The following FRMD4B variants were observed in gnomAD, a reference collection of about 807,000 sequenced individuals.
The protein encoded by FRMD4B is FERM domain-containing protein 4B.
Under a neutral mutation model 141.5 loss-of-function variants are expected in FRMD4B, and 74 were observed. That is an observed-to-expected ratio of 0.52 (90% CI 0.43 to 0.63). The LOEUF (loss-of-function observed/expected upper bound fraction) is 0.63. Among genes scored for constraint, FRMD4B ranks in the 30% least tolerant of loss-of-function variants. The pLI is 0.00. For synonymous variants in FRMD4B, 506 were observed against 467.9 expected (o/e 1.08, Z -1.05); for missense variants, 1,366 against 1,253.4 (o/e 1.09, Z -1.36).
At chr3:69,467,019 T>C (rs936428384) in intron 1 of FRMD4B, among the ~76,000 whole-genome samples, 4 of 152,110 alleles carry the variant, frequency 2.6e-5, no homozygotes, top group Non-Finnish European at 5.9e-5. Context: ...TTTTAAAAAA[T>C]AAAACCTTAA....
chr3:69,355,818 G>A lies in FRMD4B; in HGVS notation c.162+30010C>T, dbSNP rs573417194. The stretch of plus-strand genomic sequence containing the variant: ...GGTTGGCAGATCACCTGAGGTAAGG[G>A]GTTTGAGACCAGCCTGGCCAACATG... On this transcript the variant is annotated intron_variant, in intron 1 of 22. Transcript: ENST00000398540. 4.6e-3 allele frequency among the ~76,000 whole-genome samples: 706 copies of A among 152,122 alleles called. 7 individuals carry two copies. Among genetic ancestry groups the A allele is most frequent in the African/African-American group, 0.016 (679 of 41,504 alleles).
intron 1 of FRMD4B, among the ~76,000 whole-genome samples, chr3:69,354,503 C>T (rs545948059): frequency 6.6e-6 from 1 of 151,978 alleles, no homozygotes; most frequent in Non-Finnish European, 1.5e-5. Context: ...GTCAGAGAAA[C>T]CTCGTGTTTT....
At chr3:69,336,157 A>T (rs1702545025) in intron 1 of FRMD4B, among the ~76,000 whole-genome samples, 1 of 152,212 alleles carries the variant, frequency 6.6e-6, no homozygotes, top group Non-Finnish European at 1.5e-5. Context: ...AAAAAAGGCA[A>T]CAAATGTGGT....
In FRMD4B at chr3:69,216,369, G is replaced by A; in HGVS notation, c.790-20C>T. The A allele has an allele frequency of 8.1e-7, 1 of 1,241,982 alleles. No homozygotes were observed. Among genetic ancestry groups the A allele is most frequent in the Middle Eastern group, 1.9e-4 (1 of 5,300 alleles). 76.9% of individuals were successfully genotyped at this position (1,241,982 alleles called of 1,614,324 possible). On this transcript the variant is annotated intron_variant, in intron 10 of 22. Transcript: ENST00000398540. ...CTTATCCTAGAAGATGAAAAAGCAT[G>A]AGAACCAAGACCTAGCTGTTAACTC... is the stretch of plus-strand genomic sequence containing the variant.
chr3:69,504,919 TC>T (rs1706570515), intron 1 of FRMD4B, among the ~76,000 whole-genome samples: 1 of 152,202 alleles, frequency 6.6e-6, no homozygotes, highest in Non-Finnish European at 1.5e-5. Flanking sequence ...ATTTGAAGGG[TC>T]ACTGCTCTTC....
At chr3:69,290,418 T>C (rs918662696) in intron 4 of FRMD4B, among the ~76,000 whole-genome samples, 1 of 152,100 alleles carries the variant, frequency 6.6e-6, no homozygotes, top group Non-Finnish European at 1.5e-5. Context: ...GCCGAGTCAC[T>C]TGTGATGGCA....
intron 5 of FRMD4B, among the ~76,000 whole-genome samples, chr3:69,281,011 A>G (rs924781650): frequency 6.6e-6 from 1 of 150,606 alleles, no homozygotes; most frequent in Non-Finnish European, 1.5e-5. Context: ...GCTCACCACA[A>G]CCTCTGCCTC....
chr3:69,207,674 G>A (rs1489262684), intron 11 of FRMD4B, among the ~76,000 whole-genome samples: 1 of 152,084 alleles, frequency 6.6e-6, no homozygotes, highest in Non-Finnish European at 1.5e-5. Flanking sequence ...TGGGCGTGGT[G>A]GGACATGCCT....
Position 69,337,194 on chromosome 3 carries a change from AAG to A in FRMD4B, c.163-23679_163-23678del, listed in dbSNP as rs564064443. On this transcript the variant is annotated intron_variant, in intron 1 of 22. Transcript: ENST00000398540. ...GATCTTTGACAAACCTGACAAAAAC[AAG>A]CAATGGGGAAAGGATTCCCTATTTA... is the stretch of plus-strand genomic sequence containing the variant. Among the ~76,000 whole-genome samples the A allele has an allele frequency of 2.5e-3, 376 of 152,240 alleles. 3 individuals are homozygous for A. Among genetic ancestry groups the A allele is most frequent in the Middle Eastern group, 0.014 (4 of 294 alleles).
chr3:69,179,565 C>T (rs2092684061), intron 21 of FRMD4B, among the ~76,000 whole-genome samples: 1 of 152,156 alleles, frequency 6.6e-6, no homozygotes, highest in South Asian at 2.1e-4. Flanking sequence ...TAGGAGAGAA[C>T]TTGAACCCAA....
At chr3:69,490,115 G>A (rs150349621) in intron 1 of FRMD4B, among the ~76,000 whole-genome samples, 1 of 152,208 alleles carries the variant, frequency 6.6e-6, no homozygotes, top group East Asian at 1.9e-4. Context: ...GTTTCTTTTT[G>A]GGATGATGAA....
At chr3:69,235,299 ACT>A (rs536369544) in intron 7 of FRMD4B, among the ~76,000 whole-genome samples, 26 of 151,778 alleles carry the variant, frequency 1.7e-4, no homozygotes, top group Non-Finnish European at 3.7e-4. Flanking sequence ...GTTTTAGGAG[ACT>A]CTAGCAAGTG....
intron 5 of FRMD4B, among the ~76,000 whole-genome samples, chr3:69,254,459 T>C (rs2093480797): frequency 6.6e-6 from 1 of 152,136 alleles, no homozygotes; most frequent in Admixed American, 6.5e-5. Flanking sequence ...GACAGGATAT[T>C]AATGTAATCA....
chr3:69,176,419 G>A, intron 22 of FRMD4B, 105 bp downstream of exon 22: 1 of 960,108 alleles, frequency 1.0e-6, no homozygotes, highest in East Asian at 2.4e-5. Context: ...ACAGGCTAGA[G>A]TTTGCCAACC....
chr3:69,417,462 T>C (rs765147571), intron 2 of FRMD4B, among the ~76,000 whole-genome samples: 32 of 152,172 alleles, frequency 2.1e-4, no homozygotes, highest in Admixed American at 2.6e-4. Flanking sequence ...GTCAGATAGA[T>C]AGATTGCAAA....
At chr3:69,413,038 T>A (rs1371874120) in intron 2 of FRMD4B, among the ~76,000 whole-genome samples, 1 of 151,996 alleles carries the variant, frequency 6.6e-6, no homozygotes, top group Non-Finnish European at 1.5e-5. Flanking sequence ...TTCATACCTC[T>A]ATTGCAGTAA....
intron 7 of FRMD4B, among the ~76,000 whole-genome samples, chr3:69,227,374 G>A (rs1189749937): frequency 2.0e-5 from 3 of 152,082 alleles, no homozygotes; most frequent in Admixed American, 6.6e-5. Flanking sequence ...TTGAAAAAAA[G>A]TATTCTTAAC....
intron 21 of FRMD4B, among the ~76,000 whole-genome samples, chr3:69,179,902 T>C (rs2092686797): frequency 6.6e-6 from 1 of 152,114 alleles, no homozygotes; most frequent in East Asian, 1.9e-4. Flanking sequence ...AATAAAACCA[T>C]ACACAGAGCC....
chr3:69,525,580 T>G (rs1036221777), intron 1 of FRMD4B, among the ~76,000 whole-genome samples: 21 of 152,212 alleles, frequency 1.4e-4, no homozygotes, highest in Admixed American at 1.1e-3. Flanking sequence ...TTGCTGTTAT[T>G]TGCACACTTA....
Sources: gnomAD v4.1 joint callset for allele counts (sites outside exome capture counted in the v4.1 genomes callset) on GRCh38, gnomAD v4.1.1 for gene constraint, MANE v1.5 for transcripts, NCBI Gene and HGNC (gene_info 2026-07-23, HGNC 2026-07-21) for gene names.